MEIS2: variants seen among roughly 807,000 people sequenced by gnomAD.
MEIS2 encodes the protein homeobox protein Meis2.
Under a neutral mutation model 58.6 loss-of-function variants are expected in MEIS2, and 9 were observed. The ratio of observed to expected loss-of-function variants is 0.15; its 90% CI spans 0.09 to 0.27. MEIS2 has a LOEUF of 0.27. Among genes scored for constraint, MEIS2 ranks in the 10% least tolerant of loss-of-function variants. The probability of loss-of-function intolerance (pLI) is 1.00; values close to 1 mark genes in which losing one functional copy is unlikely to be tolerated. For missense variants in MEIS2, 427 were observed against 635.0 expected (o/e 0.67, Z 3.52); for synonymous variants, 221 against 228.4 (o/e 0.97, Z 0.29).
chr15:36,995,642 G>C (rs1380874614), intron 8 of MEIS2, among the ~76,000 whole-genome samples: 2 of 120,216 alleles, frequency 1.7e-5, no homozygotes, highest in Admixed American at 1.1e-4. Flanking sequence ...GGCTGAACAG[G>C]AAACAAGGGT....
intron 8 of MEIS2, among the ~76,000 whole-genome samples, chr15:37,010,994 A>G (rs770972170): frequency 6.6e-6 from 1 of 152,234 alleles, no homozygotes; most frequent in Admixed American, 6.5e-5. Flanking sequence ...AGGTTTAGCC[A>G]CTGTTCTCCA....
intron 9 of MEIS2, among the ~76,000 whole-genome samples, chr15:36,925,357 A>AG (rs1466520825): frequency 1.3e-5 from 2 of 152,152 alleles, no homozygotes; most frequent in East Asian, 3.9e-4. Flanking sequence ...ATGAAGATGG[A>AG]GGGGCGCACC....
rs540021665 is a variant in MEIS2 at position 36,940,589 on chromosome 15, G to A, written c.977+9735C>T. Among the ~76,000 whole-genome samples, 6 of 152,244 alleles carry A rather than the reference G, an allele frequency of 3.9e-5. No individual in the cohort carries two copies. In the East Asian group the frequency reaches 1.2e-3, roughly 29 times the overall value. On this transcript the variant is annotated intron_variant, in intron 9 of 11. Transcript: ENST00000561208. ...AGTGGAACAATGACTTCTGGGAGCAGGAGAGATTCTCTCAGAACTACACAT... is the reference window on the plus strand; with the variant it reads ...AGTGGAACAATGACTTCTGGGAGCAAGAGAGATTCTCTCAGAACTACACAT...
intron 7 of MEIS2, among the ~76,000 whole-genome samples, chr15:37,038,597 C>A (rs1350160989): frequency 6.6e-6 from 1 of 152,242 alleles, no homozygotes; most frequent in Non-Finnish European, 1.5e-5. Context: ...AAGCAGCTCC[C>A]TTCCATCTGC....
At chr15:36,937,903 A>G (rs2058233818) in intron 9 of MEIS2, among the ~76,000 whole-genome samples, 1 of 152,216 alleles carries the variant, frequency 6.6e-6, no homozygotes. Flanking sequence ...TTATTATCCT[A>G]TGTAAACTTG....
chr15:36,956,369 C>G (rs998514778), intron 8 of MEIS2, among the ~76,000 whole-genome samples: 1 of 152,014 alleles, frequency 6.6e-6, no homozygotes, highest in Non-Finnish European at 1.5e-5. Flanking sequence ...TAGTGGAGGA[C>G]TTTTCCACTC....
At chr15:36,999,285 G>A (rs532041691) in intron 8 of MEIS2, among the ~76,000 whole-genome samples, 256 of 152,306 alleles carry the variant, frequency 1.7e-3, no homozygotes, top group Admixed American at 2.9e-3. Context: ...CATACAGCAA[G>A]GAACCAAACT....
chr15:37,068,241 C>T (rs1482559506), intron 7 of MEIS2, among the ~76,000 whole-genome samples: 1 of 152,152 alleles, frequency 6.6e-6, no homozygotes, highest in Non-Finnish European at 1.5e-5. Context: ...ATTATAATCT[C>T]TCTATAAAGT....
intron 9 of MEIS2, among the ~76,000 whole-genome samples, chr15:36,920,337 G>A (rs918387841): frequency 1.3e-5 from 2 of 151,998 alleles, no homozygotes; most frequent in South Asian, 4.1e-4. Context: ...TTAGTAGACA[G>A]GGTTTCTCCA....
At chr15:37,098,468 GCACAAGTTGAGCA>G in intron 1 of MEIS2, 1 of 1,050,178 alleles carries the variant, frequency 9.5e-7, no homozygotes, top group South Asian at 4.3e-5. Context: ...AAAGTACCGA[GCACAAGTTGAGCA>G]CACAGAAACC....
chr15:37,065,575 G>T (rs1889820591), intron 7 of MEIS2, among the ~76,000 whole-genome samples: 1 of 152,112 alleles, frequency 6.6e-6, no homozygotes, highest in African/African-American at 2.4e-5. Context: ...AATATTTCAA[G>T]CCAGATAAAA....
chr15:36,920,183 C>G (rs2141293079), intron 9 of MEIS2, among the ~76,000 whole-genome samples: 1 of 151,966 alleles, frequency 6.6e-6, no homozygotes, highest in Admixed American at 6.6e-5. Flanking sequence ...GAGTTTCACT[C>G]TTGTTGCCCA....
At chr15:37,095,469 C>A in intron 4 of MEIS2, 95 bp downstream of exon 4, 1 of 1,581,234 alleles carries the variant, frequency 6.3e-7, no homozygotes. Context: ...AAAGAGGGTT[C>A]TGTTCTAACT....
At chr15:36,964,933 A>AT (rs2059307743) in intron 8 of MEIS2, among the ~76,000 whole-genome samples, 1 of 152,162 alleles carries the variant, frequency 6.6e-6, no homozygotes, top group South Asian at 2.1e-4. Context: ...TCCATCTGTC[A>AT]TTTTCAAAGC....
rs940000295 is a variant in MEIS2 at position 37,081,802 on chromosome 15, G to A, written c.754+1969C>T. ...ATGATTAAAGGAACAGAATCCTACA[G>A]GGATCAAATCCTTCAGCATTGGATA... On this transcript the variant is annotated intron_variant, in intron 7 of 11. Transcript: ENST00000561208. Among the ~76,000 whole-genome samples, 3 of 152,044 alleles carry A rather than the reference G, an allele frequency of 2.0e-5. 1 individual carries two copies. The highest frequency in any genetic ancestry group is 7.2e-5 in the African/African-American group (3 of 41,400).
chr15:36,910,470 A>C (rs2056956882), intron 9 of MEIS2, among the ~76,000 whole-genome samples: 1 of 151,978 alleles, frequency 6.6e-6, no homozygotes, highest in Non-Finnish European at 1.5e-5. Flanking sequence ...TTAATTCCTG[A>C]CTCTAGTTGT....
At chr15:37,046,453 G>A (rs2062674336) in intron 7 of MEIS2, among the ~76,000 whole-genome samples, 1 of 152,100 alleles carries the variant, frequency 6.6e-6, no homozygotes, top group African/African-American at 2.4e-5. Context: ...ATAATGGAAA[G>A]TGGTGGGTGA....
chr15:37,096,245 T>G, intron 3 of MEIS2, 44 bp downstream of exon 3: 1 of 1,521,992 alleles, frequency 6.6e-7, no homozygotes, highest in Admixed American at 2.0e-5. Flanking sequence ...AGGGGAGGGG[T>G]AGTGAGGGAC....
chr15:37,097,631 G>C (rs925321058), intron 2 of MEIS2, among the ~76,000 whole-genome samples: 1 of 152,206 alleles, frequency 6.6e-6, no homozygotes, highest in African/African-American at 2.4e-5. Flanking sequence ...CAAGGCCTCT[G>C]TTAGGGAGCC....
Sources: allele counts gnomAD v4.1 joint callset (sites outside exome capture counted in the v4.1 genomes callset), GRCh38; gene constraint gnomAD v4.1.1; transcripts MANE v1.5; gene names NCBI Gene and HGNC (gene_info 2026-07-23, HGNC 2026-07-21).